Variants in RHOQ observed in about 807,000 individuals in gnomAD.
RHOQ encodes the protein rho-related GTP-binding protein RhoQ.
In RHOQ, 7 loss-of-function variants were observed where a neutral mutation model predicts 25.8. The observed-to-expected ratio is 0.27, with a 90% CI of 0.15 to 0.51. The LOEUF (loss-of-function observed/expected upper bound fraction) is 0.51, where lower values mean the gene tolerates loss of function less well. Among genes scored for constraint, RHOQ ranks in the 20% least tolerant of loss-of-function variants. The pLI is 0.97. For missense variants in RHOQ, 165 were observed against 260.6 expected (o/e 0.63, Z 2.53); for synonymous variants, 97 against 98.6 (o/e 0.98, Z 0.10).
chr2:46,560,598 G>A (rs765886310), intron 2 of RHOQ: 57 of 456,094 alleles, frequency 1.2e-4, no homozygotes, highest in Admixed American at 4.2e-4. Context: ...ACGTGATCAC[G>A]TTTTCCTTCC....
chr2:46,576,100 G>C lies in RHOQ; in HGVS notation c.215G>C (p.Arg72Pro). 6.2e-7 allele frequency: 1 copy of C among 1,604,886 alleles called. No individual in the cohort carries two copies. The highest frequency in any genetic ancestry group is 8.5e-7 in the Non-Finnish European group (1 of 1,176,978). ...TTTGTTCCTCAGGAAGACTATGACC[G>C]TCTGAGGCCTTTATCTTACCCAATG... is the stretch of plus-strand genomic sequence containing the variant. ...YDTAGQEDYDRLRPLSYPMTD... is the reference protein window; with the variant it reads ...YDTAGQEDYDPLRPLSYPMTD... The change falls in exon 3 of 5, where the codon CGT (arginine) becomes CCT (proline). Residue 72 changes from arginine to proline, a missense_variant. Coordinates refer to ENST00000238738, the MANE Select transcript of RHOQ (RefSeq NM_012249.4). This position sits in a 1 kb window ranked among gnomAD's most constrained non-coding sequence, Gnocchi z 5.1.
At position 46,580,836 on chromosome 2, in the gene RHOQ, A is replaced by G. The variant is rs111325402; in HGVS notation, c.463-92A>G. ...GAATGTATTCTTTTTGCATAGCTGT[A>G]TTTTATAATTTTCTTTATAATGATG... On this transcript the variant is annotated intron_variant, in intron 4 of 4. Coordinates refer to ENST00000238738, the MANE Select transcript of RHOQ (RefSeq NM_012249.4). The G allele has an allele frequency of 8.0e-4, 735 of 916,642 alleles. 11 individuals are homozygous for G. In the African/African-American group the frequency reaches 0.011, roughly 14 times the overall value. 56.8% of individuals were successfully genotyped at this position (916,642 alleles called of 1,614,324 possible).
At position 46,555,276 on chromosome 2, in the gene RHOQ, T is replaced by C. The variant is rs1045453411; in HGVS notation, c.201+11464T>C. On this transcript the variant is annotated intron_variant, in intron 2 of 4. Coordinates refer to ENST00000238738, the MANE Select transcript of RHOQ (RefSeq NM_012249.4). The surrounding 1 kb of genome is among the most constrained non-coding windows in gnomAD (Gnocchi z 4.3). Reference sequence around the variant, plus strand: ...AGTGAATTGTCTCCAGGCTGCACTCTAGCATTTGGTTTTATTCATGTGTAA... The same window carrying C: ...AGTGAATTGTCTCCAGGCTGCACTCCAGCATTTGGTTTTATTCATGTGTAA... Among the ~76,000 whole-genome samples the C allele has an allele frequency of 2.0e-5, 3 of 152,238 alleles. No homozygotes were observed. The highest frequency in any genetic ancestry group is 4.4e-5 in the Non-Finnish European group (3 of 68,044).
intron 2 of RHOQ, among the ~76,000 whole-genome samples, chr2:46,551,533 T>C (rs567733627): frequency 6.6e-6 from 1 of 152,310 alleles, no homozygotes; most frequent in Admixed American, 6.5e-5. Context: ...AGTGTCAACA[T>C]GTGGAGCAGG....
chr2:46,572,877 T>C (rs1199121164), intron 2 of RHOQ: 6 of 372,878 alleles, frequency 1.6e-5, no homozygotes, highest in African/African-American at 8.5e-5. Context: ...CCTCCACTTA[T>C]TCATTCCCAA....
In RHOQ at chr2:46,576,385, A is replaced by G; in HGVS notation, c.366+134A>G. 3.1e-6 allele frequency: 3 copies of G among 969,758 alleles called. No individual in the cohort carries two copies. Among genetic ancestry groups the G allele is most frequent in the Middle Eastern group, 2.5e-4 (1 of 4,062 alleles). 60.1% of individuals were successfully genotyped at this position (969,758 alleles called of 1,614,324 possible). On this transcript the variant is annotated intron_variant, in intron 3 of 4. Transcript: ENST00000238738. This position sits in a 1 kb window ranked among gnomAD's most constrained non-coding sequence, Gnocchi z 5.1. ...TCTCAGCTGCAAGTTAATGAGTTCT[A>G]TCATATTTTTGGAAAAAATTGTGCC...
intron 2 of RHOQ, among the ~76,000 whole-genome samples, chr2:46,564,324 T>TA (rs1340241816): frequency 6.6e-6 from 1 of 152,018 alleles, no homozygotes; most frequent in Non-Finnish European, 1.5e-5. Context: ...AAAGAAAAAT[T>TA]AAAAAATAAA....
chr2:46,578,268 A>C (rs1298995394), intron 4 of RHOQ, among the ~76,000 whole-genome samples: 1 of 152,198 alleles, frequency 6.6e-6, no homozygotes. Flanking sequence ...TCATTGAATC[A>C]AAGCAGTCTT....
At chr2:46,565,869 G>T (rs1038705562) in intron 2 of RHOQ, among the ~76,000 whole-genome samples, 3 of 152,232 alleles carry the variant, frequency 2.0e-5, no homozygotes, top group Non-Finnish European at 4.4e-5. Flanking sequence ...TCGTATTACA[G>T]TATAAACAAA....
intron 4 of RHOQ, among the ~76,000 whole-genome samples, chr2:46,578,907 T>TATATATA (rs1669240135): frequency 6.6e-6 from 1 of 152,138 alleles, no homozygotes; most frequent in Admixed American, 6.5e-5. Flanking sequence ...TGTGTGTGTG[T>TATATATA]GTATATGTAT....
intron 2 of RHOQ, chr2:46,560,789 A>G (rs1255613543): frequency 1.8e-5 from 5 of 272,874 alleles, no homozygotes; most frequent in South Asian, 1.3e-4. Flanking sequence ...TATTTTTCAG[A>G]TAGGCCAAAA....
At chr2:46,562,764 T>G (rs1558687485) in intron 2 of RHOQ, among the ~76,000 whole-genome samples, 1 of 152,224 alleles carries the variant, frequency 6.6e-6, no homozygotes, top group Non-Finnish European at 1.5e-5. Flanking sequence ...TTTAGCTATT[T>G]TCTCAGTATT....
chr2:46,557,740 G>C (rs1435627585), intron 2 of RHOQ, among the ~76,000 whole-genome samples: 1 of 152,174 alleles, frequency 6.6e-6, no homozygotes, highest in Admixed American at 6.5e-5. Context: ...TTCTCCTGCA[G>C]AAAAGACATT....
chr2:46,546,472 A>G lies in RHOQ; in HGVS notation c.201+2660A>G, dbSNP rs868143268. On this transcript the variant is annotated intron_variant, in intron 2 of 4. Transcript: ENST00000238738. ...TATACATATATATATATATATATAT[A>G]TGTGTATATATATATATATATATAT... Among the ~76,000 whole-genome samples the G allele has an allele frequency of 1.6e-3, 115 of 69,976 alleles. 2 individuals carry two copies. The highest frequency in any genetic ancestry group is 0.012 in the Middle Eastern group (1 of 86). The allele number at this position is 69,976 out of a possible 152,430, so 45.9% of individuals were successfully genotyped here.
intron 2 of RHOQ, among the ~76,000 whole-genome samples, chr2:46,561,001 AACACACAC>A (rs61040858): frequency 0.014 from 1,989 of 141,154 alleles, 38 homozygotes; most frequent in African/African-American, 0.041. Flanking sequence ...AGACCCCATA[AACACACAC>A]ACACACACAC....
At chr2:46,558,683 G>T (rs1272777634) in intron 2 of RHOQ, among the ~76,000 whole-genome samples, 1 of 152,128 alleles carries the variant, frequency 6.6e-6, no homozygotes, top group Admixed American at 6.5e-5. Flanking sequence ...AATTTTCCTG[G>T]ATTATTTCTT....
intron 2 of RHOQ, among the ~76,000 whole-genome samples, chr2:46,572,193 C>G (rs1463116100): frequency 7.1e-6 from 1 of 141,294 alleles, no homozygotes; most frequent in Non-Finnish European, 1.5e-5. Flanking sequence ...GGCCCAACCT[C>G]TTGAGCTCAA....
Position 46,576,812 on chromosome 2 carries a change from T to C in RHOQ, c.462+156T>C. 1.9e-6 allele frequency: 1 copy of C among 517,200 alleles called. No homozygotes were observed. The highest frequency in any genetic ancestry group is 3.5e-6 in the Non-Finnish European group (1 of 289,630). The allele number at this position is 517,200 out of a possible 1,614,324, so 32.0% of individuals were successfully genotyped here. On this transcript the variant is annotated intron_variant, in intron 4 of 4. Coordinates refer to ENST00000238738, the MANE Select transcript of RHOQ (RefSeq NM_012249.4). This position sits in a 1 kb window ranked among gnomAD's most constrained non-coding sequence, Gnocchi z 5.1. ...CATGAACTCAGTGAGGTAGGTCTGT[T>C]TCCCCTGTTACACAGAAGAGACAGT...
At chr2:46,544,561 C>A (rs1332451769) in intron 2 of RHOQ, among the ~76,000 whole-genome samples, 1 of 152,344 alleles carries the variant, frequency 6.6e-6, no homozygotes, top group East Asian at 1.9e-4. Context: ...GTTTGCACAT[C>A]AGAGGTGGCC....
Sources: allele counts gnomAD v4.1 joint callset (sites outside exome capture counted in the v4.1 genomes callset), GRCh38; gene constraint gnomAD v4.1.1; non-coding constraint Gnocchi (gnomAD v3.1); transcripts MANE v1.5; gene names NCBI Gene and HGNC (gene_info 2026-07-23, HGNC 2026-07-21).